The following HEPACAM2 variants were observed in gnomAD, a reference collection of about 807,000 sequenced individuals.
The protein encoded by HEPACAM2 is HEPACAM family member 2, also known as mitotic kinetics regulator.
A neutral mutation model predicts 49.6 loss-of-function variants in HEPACAM2; 49 were observed. The ratio of observed to expected loss-of-function variants is 0.99; its 90% CI spans 0.78 to 1.25. The LOEUF (loss-of-function observed/expected upper bound fraction) is 1.25. HEPACAM2 is among the 50% of genes most tolerant of loss of function. The probability of loss-of-function intolerance (pLI) is 0.00; values close to 1 mark genes in which losing one functional copy is unlikely to be tolerated. For synonymous variants in HEPACAM2, 197 were observed against 202.9 expected (o/e 0.97, Z 0.25); for missense variants, 525 against 557.2 (o/e 0.94, Z 0.58).
chr7:93,197,446 A>G lies in HEPACAM2; in HGVS notation c.1138+39T>C, dbSNP rs182317211. On this transcript the variant is annotated intron_variant, in intron 5 of 9. Transcript: ENST00000394468. Reference sequence around the variant, plus strand: ...TGGTAAGGTTTTTTTTAGTACACATATATACAGCTTCAATTTTTTTTTTGT... The same window carrying G: ...TGGTAAGGTTTTTTTTAGTACACATGTATACAGCTTCAATTTTTTTTTTGT... 1.2e-5 allele frequency: 19 copies of G among 1,587,514 alleles called. No individual in the cohort carries two copies. The Admixed American group carries it at 3.5e-4, about 29-fold the overall frequency.
intron 3 of HEPACAM2, among the ~76,000 whole-genome samples, chr7:93,211,794 C>T (rs1428124738): frequency 1.6e-4 from 24 of 151,940 alleles, no homozygotes; most frequent in Admixed American, 1.6e-3. Flanking sequence ...AGTCTATGTA[C>T]AAAATCTAAA....
intron 1 of HEPACAM2, among the ~76,000 whole-genome samples, chr7:93,224,970 C>T (rs889274623): frequency 9.2e-5 from 14 of 152,126 alleles, no homozygotes; most frequent in African/African-American, 3.4e-4. Context: ...GTCTTTACAA[C>T]ACACTGCCTA....
chr7:93,231,933 C>T, the HEPACAM2 span, among the ~76,000 whole-genome samples: 2 of 152,116 alleles, frequency 1.3e-5, no homozygotes, highest in African/African-American at 4.8e-5. Context: ...TCTCAGGTTA[C>T]CCCTCAGTGA....
At chr7:93,227,856 A>C (rs772445226), upstream of HEPACAM2, among the ~76,000 whole-genome samples, 1 of 152,194 alleles carries the variant, frequency 6.6e-6, no homozygotes, top group Non-Finnish European at 1.5e-5. Context: ...TCATTCATGG[A>C]TGTTGGGCAC....
At chr7:93,219,544 C>T in intron 1 of HEPACAM2, 93 bp from the exon 2 acceptor site, 1 of 1,566,836 alleles carries the variant, frequency 6.4e-7, no homozygotes, top group Non-Finnish European at 8.6e-7. Flanking sequence ...AGGTGATAAT[C>T]CTTTTCAAAG....
At chr7:93,190,112 G>A (rs779759192) in intron 9 of HEPACAM2, among the ~76,000 whole-genome samples, 1 of 151,898 alleles carries the variant, frequency 6.6e-6, no homozygotes, top group Admixed American at 6.6e-5. Context: ...TTGCTCTAGC[G>A]CATAGTAAAT....
chr7:93,213,785 G>C (rs1483463374), intron 3 of HEPACAM2, among the ~76,000 whole-genome samples: 1 of 152,038 alleles, frequency 6.6e-6, no homozygotes, highest in Admixed American at 6.6e-5. Context: ...CAATGAACCT[G>C]TTAGTGACAC....
chr7:93,202,031 C>CCAAAAAAAAAAAAAAAA (rs1793901567), intron 4 of HEPACAM2, among the ~76,000 whole-genome samples: 3 of 22,748 alleles, frequency 1.3e-4, no homozygotes, highest in Non-Finnish European at 2.4e-4. Flanking sequence ...AAAAAAAAAA[C>CCAAAAAAAAAAAAAAAA]CAAAAAAAAA....
intron 1 of HEPACAM2, among the ~76,000 whole-genome samples, chr7:93,224,305 A>T (rs1292073636): frequency 1.3e-5 from 2 of 151,982 alleles, no homozygotes; most frequent in Admixed American, 6.6e-5. Context: ...TAATATAAAA[A>T]TTGATGAAAT....
Position 93,205,272 on chromosome 7 carries a change from G to C in HEPACAM2, c.1012+3308C>G, listed in dbSNP as rs556123621. Among the ~76,000 whole-genome samples, 7 of 152,184 alleles carry C rather than the reference G, an allele frequency of 4.6e-5. No individual in the cohort carries two copies. The South Asian group carries it at 1.5e-3, about 32-fold the overall frequency. The stretch of plus-strand genomic sequence containing the variant: ...TCCAAAGAGGGGAAAGTCACCATTT[G>C]CTGTAGTCTTAGAAAGAGAAAAACA... On this transcript the variant is annotated intron_variant, in intron 4 of 9. Coordinates refer to ENST00000394468, the MANE Select transcript of HEPACAM2 (RefSeq NM_001039372.4).
In HEPACAM2 at chr7:93,208,562, C is replaced by T. The variant is rs752674973; in HGVS notation, c.1012+18G>A. 4 of 1,602,830 alleles carry T rather than the reference C, an allele frequency of 2.5e-6. No homozygotes were observed. The highest frequency in any genetic ancestry group is 2.6e-6 in the Non-Finnish European group (3 of 1,172,964). ...ATTCATGTTTTATTAGGATCCCTTC[C>T]TTGTATGTCACACATACCTACGGAA... On this transcript the variant is annotated intron_variant, in intron 4 of 9. Coordinates refer to ENST00000394468, the MANE Select transcript of HEPACAM2 (RefSeq NM_001039372.4).
At chr7:93,195,343 C>T (rs960415391) in intron 8 of HEPACAM2, among the ~76,000 whole-genome samples, 1 of 152,032 alleles carries the variant, frequency 6.6e-6, no homozygotes, top group Non-Finnish European at 1.5e-5. Context: ...CCTCCTGCCT[C>T]GGTCTCCCAA....
intron 7 of HEPACAM2, among the ~76,000 whole-genome samples, chr7:93,196,565 T>C (rs1216058218): frequency 4.6e-5 from 7 of 152,106 alleles, no homozygotes; most frequent in African/African-American, 1.7e-4. Flanking sequence ...ACTCCACCTA[T>C]ATCATTTTAT....
At chr7:93,201,686 A>G (rs1179308365) in intron 4 of HEPACAM2, among the ~76,000 whole-genome samples, 1 of 152,102 alleles carries the variant, frequency 6.6e-6, no homozygotes, top group East Asian at 1.9e-4. Context: ...CTTCTCCCAA[A>G]TGAAGCCCAA....
In HEPACAM2 at chr7:93,219,409, A is replaced by T. The variant is rs761336938; in HGVS notation, c.122T>A (p.Val41Asp). ...GAGGGCCTGACCTCTGACGCCATGG[A>T]CAGTGTGTGATGGCACTGTCACCTT... ...GLKVTVPSHTVHGVRGQALYL... is the reference protein window; with the variant it reads ...GLKVTVPSHTDHGVRGQALYL... The change falls in exon 2 of 10, where the codon GTC becomes GAC. Residue 41 changes from valine to aspartate, a missense_variant. Val to Asp is a radical substitution (Grantham distance 152). Transcript: ENST00000394468. 6.2e-6 allele frequency: 10 copies of T among 1,613,986 alleles called. No individual in the cohort carries two copies. The Admixed American group carries it at 1.5e-4, about 24-fold the overall frequency.
Position 93,217,845 on chromosome 7 carries a change from C to G in HEPACAM2, c.430+1256G>C, listed in dbSNP as rs181148442. Among the ~76,000 whole-genome samples the G allele has an allele frequency of 2.6e-5, 4 of 151,578 alleles. No homozygotes were observed. The East Asian group carries it at 7.8e-4, about 29-fold the overall frequency. On this transcript the variant is annotated intron_variant, in intron 2 of 9. Coordinates refer to ENST00000394468, the MANE Select transcript of HEPACAM2 (RefSeq NM_001039372.4). ...GGAGATAGAGAGTGACTCTCTCTCT[C>G]TCTCTTTCTATTTTCTCTGAGCATG...
intron 4 of HEPACAM2, among the ~76,000 whole-genome samples, chr7:93,204,141 T>C (rs1793965155): frequency 6.6e-6 from 1 of 152,140 alleles, no homozygotes; most frequent in African/African-American, 2.4e-5. Flanking sequence ...AGTTGGGAAA[T>C]ATAAATAAAT....
At chr7:93,220,263 C>CAGG (rs1794420913) in intron 1 of HEPACAM2, among the ~76,000 whole-genome samples, 1 of 152,102 alleles carries the variant, frequency 6.6e-6, no homozygotes, top group African/African-American at 2.4e-5. Flanking sequence ...TGAGAATACA[C>CAGG]AGGAATAGGG....
chr7:93,219,635 TA>T, intron 1 of HEPACAM2, 184 bp from the exon 2 acceptor site: 9 of 1,102,016 alleles, frequency 8.2e-6, no homozygotes, highest in Admixed American at 3.1e-5. Flanking sequence ...CTTCTGCACT[TA>T]AAAAACTCCA....
Sources: allele counts gnomAD v4.1 joint callset (sites outside exome capture counted in the v4.1 genomes callset), GRCh38; gene constraint gnomAD v4.1.1; transcripts MANE v1.5; gene names NCBI Gene and HGNC (gene_info 2026-07-23, HGNC 2026-07-21).